The following LRRTM3 variants were observed in gnomAD, a reference collection of about 807,000 sequenced individuals.
LRRTM3 encodes leucine rich repeat transmembrane neuronal 3.
In LRRTM3, 24 loss-of-function variants were observed where a neutral mutation model predicts 44.7. The observed-to-expected ratio is 0.54, with a 90% CI of 0.39 to 0.76. LRRTM3 has a LOEUF of 0.76. Ranked by LOEUF, LRRTM3 falls within the 30% of genes least tolerant of loss-of-function variation. LRRTM3 has a pLI of 0.00. For synonymous variants in LRRTM3, 277 were observed against 278.7 expected (o/e 0.99, Z 0.06); for missense variants, 587 against 702.2 (o/e 0.84, Z 1.85).
intron 2 of LRRTM3, among the ~76,000 whole-genome samples, chr10:66,938,275 A>G (rs1178779868): frequency 6.6e-6 from 1 of 152,140 alleles, no homozygotes; most frequent in Non-Finnish European, 1.5e-5. Context: ...TGTGAGGGTC[A>G]AGAGAACAAA....
chr10:66,974,915 A>T (rs912582148), intron 2 of LRRTM3, among the ~76,000 whole-genome samples: 5 of 151,840 alleles, frequency 3.3e-5, no homozygotes, highest in African/African-American at 9.7e-5. Context: ...TTTTAAGGAG[A>T]AAAAAGTATT....
Position 67,097,781 on chromosome 10 carries a change from A to G in LRRTM3, c.1731A>G (p.Lys577=), listed in dbSNP as rs1330273014. ...CAGCTGGCCGAATCAGTGACCATAA[A>G]CAGCAGCTAGCTTAACTGAGATCAT... ...ITTAGRISDH[K]QQLA Residue 577 remains lysine (K), a synonymous_variant, in exon 3 of 3, where the codon AAA becomes AAG. Transcript: ENST00000361320. 1.2e-6 allele frequency: 2 copies of G among 1,612,320 alleles called. No individual in the cohort carries two copies. The highest frequency in any genetic ancestry group is 2.2e-5 in the South Asian group (2 of 91,058).
chr10:67,079,665 T>G (rs543821331), intron 2 of LRRTM3, among the ~76,000 whole-genome samples: 48 of 151,966 alleles, frequency 3.2e-4, no homozygotes, highest in African/African-American at 1.1e-3. Context: ...CTGGCCAATA[T>G]AGTGAAACCC....
chr10:67,069,773 A>G (rs1208804365), intron 2 of LRRTM3, among the ~76,000 whole-genome samples: 1 of 152,028 alleles, frequency 6.6e-6, no homozygotes, highest in African/African-American at 2.4e-5. Context: ...CACTCTCACA[A>G]CTGTATACTT....
intron 2 of LRRTM3, among the ~76,000 whole-genome samples, chr10:66,986,492 A>G (rs1850734528): frequency 7.7e-6 from 1 of 130,446 alleles, no homozygotes; most frequent in East Asian, 2.5e-4. Flanking sequence ...GCAAGACTCC[A>G]TCTTGCTAAA....
chr10:67,028,588 G>A (rs1446086193), intron 2 of LRRTM3, among the ~76,000 whole-genome samples: 1 of 149,994 alleles, frequency 6.7e-6, no homozygotes, highest in Non-Finnish European at 1.5e-5. Flanking sequence ...CATGTGCAAT[G>A]AGAATTTTCC....
At chr10:67,022,940 AAAAT>A (rs578243915) in intron 2 of LRRTM3, among the ~76,000 whole-genome samples, 1 of 152,130 alleles carries the variant, frequency 6.6e-6, no homozygotes, top group Non-Finnish European at 1.5e-5. Context: ...TGTGTCTCAA[AAAAT>A]AAATAAATAA....
intron 2 of LRRTM3, among the ~76,000 whole-genome samples, chr10:66,954,258 C>A (rs918463730): frequency 6.6e-6 from 1 of 152,096 alleles, no homozygotes; most frequent in Non-Finnish European, 1.5e-5. Context: ...ATTTGACAGA[C>A]AAATGTGAAT....
intron 2 of LRRTM3, among the ~76,000 whole-genome samples, chr10:66,949,979 C>T (rs979937330): frequency 6.6e-6 from 1 of 152,114 alleles, no homozygotes; most frequent in Admixed American, 6.6e-5. Flanking sequence ...CTAACATCTC[C>T]CCATGACTTA....
chr10:66,928,860 A>G (rs918942409), intron 2 of LRRTM3, among the ~76,000 whole-genome samples: 1 of 152,210 alleles, frequency 6.6e-6, no homozygotes, highest in Non-Finnish European at 1.5e-5. Flanking sequence ...CAAATCAAGG[A>G]AAGAGGTGAA....
chr10:67,046,778 A>C (rs1854777805), intron 2 of LRRTM3, among the ~76,000 whole-genome samples: 4 of 152,188 alleles, frequency 2.6e-5, no homozygotes, highest in Admixed American at 2.6e-4. Flanking sequence ...GCAGGGACTC[A>C]GAGCCTGGCA....
Position 67,078,285 on chromosome 10 carries a change from ACCACTATAGTG to A in LRRTM3, c.1537-19299_1537-19289del, listed in dbSNP as rs1856838806. Among the ~76,000 whole-genome samples the A allele has an allele frequency of 2.6e-5, 4 of 152,328 alleles. No homozygotes were observed. In the South Asian group the frequency reaches 8.3e-4, roughly 32 times the overall value. On this transcript the variant is annotated intron_variant, in intron 2 of 2. Transcript: ENST00000361320. ...ACTTAATGTGTACTTCCAAGACTGTACCACTATAGTGCCTACTAACTGGCCAAGGTACAGTG... is the reference window on the plus strand; with the variant it reads ...ACTTAATGTGTACTTCCAAGACTGTACCTACTAACTGGCCAAGGTACAGTG...
intron 2 of LRRTM3, among the ~76,000 whole-genome samples, chr10:66,974,631 A>C (rs751595318): frequency 6.6e-6 from 1 of 152,232 alleles, no homozygotes; most frequent in Non-Finnish European, 1.5e-5. Flanking sequence ...TCAGTAATGT[A>C]TAAGAGTTTC....
At chr10:66,990,528 G>A (rs1349225396) in intron 2 of LRRTM3, among the ~76,000 whole-genome samples, 1 of 152,040 alleles carries the variant, frequency 6.6e-6, no homozygotes, top group Non-Finnish European at 1.5e-5. Context: ...GAGAATTATG[G>A]AAAAAACTAG....
In LRRTM3 at chr10:67,013,807, T is replaced by C. The variant is rs192187560; in HGVS notation, c.1537-83780T>C. The stretch of plus-strand genomic sequence containing the variant: ...TCCAAATGTGCACTTCTGATTTGCA[T>C]GAATTTTAAAGTCATTACTGGTGAA... On this transcript the variant is annotated intron_variant, in intron 2 of 2. Coordinates refer to ENST00000361320, the MANE Select transcript of LRRTM3 (RefSeq NM_178011.5). Among the ~76,000 whole-genome samples the C allele has an allele frequency of 2.8e-3, 420 of 152,276 alleles. 1 individual carries two copies. The highest frequency in any genetic ancestry group is 9.3e-3 in the African/African-American group (385 of 41,572).
chr10:67,083,794 G>A (rs972186382), intron 2 of LRRTM3, among the ~76,000 whole-genome samples: 9 of 152,014 alleles, frequency 5.9e-5, no homozygotes, highest in African/African-American at 1.9e-4. Flanking sequence ...ATAGACATTG[G>A]GATGGTTCCC....
rs58370519 is a variant in LRRTM3 at position 66,945,494 on chromosome 10, G to A, written c.1536+17042G>A. ...GGCTTTGACTTAAAGGGAATGTTGT[G>A]GATGGTTTGATCTTCTCTCCAGACC... On this transcript the variant is annotated intron_variant, in intron 2 of 2. Coordinates refer to ENST00000361320, the MANE Select transcript of LRRTM3 (RefSeq NM_178011.5). 4.2e-3 allele frequency among the ~76,000 whole-genome samples: 635 copies of A among 152,226 alleles called. 36 individuals are homozygous for A. In the East Asian group the frequency reaches 0.1, roughly 25 times the overall value.
Position 67,061,978 on chromosome 10 carries a change from A to G in LRRTM3, c.1537-35609A>G, listed in dbSNP as rs150571788. On this transcript the variant is annotated intron_variant, in intron 2 of 2. Transcript: ENST00000361320. The stretch of plus-strand genomic sequence containing the variant: ...AAAAAATCAATCTTAGGAAATAGCC[A>G]CCCACACATTTTTCAACCTACTTCC... Among the ~76,000 whole-genome samples the G allele has an allele frequency of 2.0e-3, 302 of 152,274 alleles. 3 individuals are homozygous for G. Among genetic ancestry groups the G allele is most frequent in the Middle Eastern group, 0.01 (3 of 294 alleles).
intron 2 of LRRTM3, among the ~76,000 whole-genome samples, chr10:67,016,311 C>G (rs554080551): frequency 6.6e-6 from 1 of 152,316 alleles, no homozygotes; most frequent in South Asian, 2.1e-4. Flanking sequence ...CTTACGAACT[C>G]AAACATCTTC....
Sources: gnomAD v4.1 joint callset for allele counts (sites outside exome capture counted in the v4.1 genomes callset) on GRCh38, gnomAD v4.1.1 for gene constraint, MANE v1.5 for transcripts, NCBI Gene and HGNC (gene_info 2026-07-23, HGNC 2026-07-21) for gene names.